SUN2: variants seen among roughly 807,000 people sequenced by gnomAD.
SUN2 encodes SUN domain-containing protein 2.
In SUN2, 60 loss-of-function variants were observed where a neutral mutation model predicts 100.0. The observed-to-expected ratio is 0.60, with a 90% CI of 0.49 to 0.74. The LOEUF (loss-of-function observed/expected upper bound fraction) is 0.74, where lower values mean the gene tolerates loss of function less well. Ranked by LOEUF, SUN2 falls within the 30% of genes least tolerant of loss-of-function variation. The pLI, the probability that SUN2 is intolerant of heterozygous loss-of-function variation, is 0.00. For synonymous variants in SUN2, 367 were observed against 403.3 expected (o/e 0.91, Z 1.08); for missense variants, 834 against 954.6 (o/e 0.87, Z 1.66).
rs201387591 is a variant in SUN2, at chr22:38,750,217, C to T, written c.520+8G>A. 1.8e-4 allele frequency: 296 copies of T among 1,608,622 alleles called. No individual in the cohort carries two copies. The highest frequency in any genetic ancestry group is 6.6e-4 in the Middle Eastern group (4 of 6,060). ...AATGGAAGTAACTGGGCACGGGTTGCAGCCCACCTGGCGAAGTGGCCACCA... is the reference window on the plus strand; with the variant it reads ...AATGGAAGTAACTGGGCACGGGTTGTAGCCCACCTGGCGAAGTGGCCACCA... On this transcript the variant is annotated splice_region_variant and intron_variant, in intron 5 of 17. Transcript: ENST00000689035.
In SUN2 at chr22:38,755,223, C is replaced by A; in HGVS notation, c.-38+540G>T. Reference sequence around the variant, plus strand: ...AGGCCACACGCCCTTGTGGGACCTGCCAAACGCCCGGTGCTAACTCCCTCT... The same window carrying A: ...AGGCCACACGCCCTTGTGGGACCTGACAAACGCCCGGTGCTAACTCCCTCT... On this transcript the variant is annotated intron_variant, in intron 1 of 17. Coordinates refer to ENST00000689035, the MANE Select transcript of SUN2 (RefSeq NM_015374.3). The surrounding 1 kb of genome is among the most constrained non-coding windows in gnomAD (Gnocchi z 5.7). 8.5e-7 allele frequency: 1 copy of A among 1,182,316 alleles called. No homozygotes were observed. Among genetic ancestry groups the A allele is most frequent in the South Asian group, 1.6e-5 (1 of 62,350 alleles). 73.2% of individuals were successfully genotyped at this position (1,182,316 alleles called of 1,614,324 possible).
chr22:38,741,124 C>T, intron 10 of SUN2, 74 bp from the exon 11 acceptor site: 2 of 1,505,168 alleles, frequency 1.3e-6, no homozygotes, highest in South Asian at 2.4e-5. Flanking sequence ...GATCTGCTGT[C>T]TGTTAGCGTC....
chr22:38,737,720 C>T lies in SUN2; in HGVS notation c.2040+453G>A. The T allele has an allele frequency of 2.8e-6, 1 of 362,306 alleles. No homozygotes were observed. Among genetic ancestry groups the T allele is most frequent in the South Asian group, 2.1e-5 (1 of 48,624 alleles). 22.4% of individuals were successfully genotyped at this position (362,306 alleles called of 1,614,324 possible). A position where few individuals can be genotyped will look rare whatever the true frequency, so the allele number is the denominator to read the frequency against. Reference sequence around the variant, plus strand: ...CTGGGTCCTGTCAGCCCTAAGGAACCAGACTCTCCTGGGGTGGAGACTGGG... The same window carrying T: ...CTGGGTCCTGTCAGCCCTAAGGAACTAGACTCTCCTGGGGTGGAGACTGGG... On this transcript the variant is annotated intron_variant, in intron 17 of 17. Transcript: ENST00000689035. The surrounding 1 kb of genome is among the most constrained non-coding windows in gnomAD (Gnocchi z 4.1).
In SUN2 at chr22:38,735,344, C is replaced by T. The variant is rs755628765; in HGVS notation, c.*923G>A. ...TGGGGGCCGGTGCAGACAGACCTCG[C>T]ACCCCGATACCCTGAACGTCCCCAC... On this transcript the variant is annotated 3_prime_UTR_variant, in exon 18 of 18. Transcript: ENST00000689035. 4.1e-5 allele frequency: 17 copies of T among 418,888 alleles called. No homozygotes were observed. The highest frequency in any genetic ancestry group is 3.3e-4 in the African/African-American group (16 of 48,138). The allele number at this position is 418,888 out of a possible 1,614,324, so 25.9% of individuals were successfully genotyped here. A position where few individuals can be genotyped will look rare whatever the true frequency, so the allele number is the denominator to read the frequency against.
rs567466607 is a variant in SUN2, at chr22:38,736,188, C to T, written c.*79G>A. The T allele has an allele frequency of 3.2e-5, 44 of 1,361,116 alleles. No homozygotes were observed. Among genetic ancestry groups the T allele is most frequent in the Non-Finnish European group, 3.7e-5 (35 of 955,782 alleles). The allele number at this position is 1,361,116 out of a possible 1,614,324, so 84.3% of individuals were successfully genotyped here. ...CTTGTGCTCCTAGAAGTCAGAGCGC[C>T]GAGCAAGCGTGTGGGGGAAGCGGCG... On this transcript the variant is annotated 3_prime_UTR_variant, in exon 18 of 18. Transcript: ENST00000689035.
chr22:38,741,584 AG>A lies in SUN2; in HGVS notation c.1069-14del, dbSNP rs778009264. ...CAGACAGTTCTTCCTGTGAGACGGG[AG>A]TGAGAGGACAGGTTGGACAGAGCCA... On this transcript the variant is annotated splice_polypyrimidine_tract_variant and intron_variant, in intron 9 of 17. Coordinates refer to ENST00000689035, the MANE Select transcript of SUN2 (RefSeq NM_015374.3). 1.1e-5 allele frequency: 18 copies of A among 1,613,418 alleles called. No individual in the cohort carries two copies. Among genetic ancestry groups the A allele is most frequent in the Non-Finnish European group, 1.5e-5 (18 of 1,179,684 alleles).
chr22:38,737,922 A>G lies in SUN2; in HGVS notation c.2040+251T>C, dbSNP rs1477060279. ...CCTGGCCACCCAACCCCTCTTGTGT[A>G]AAGCCCACCTCCTGGTGTCCTTTTC... On this transcript the variant is annotated intron_variant, in intron 17 of 17. Coordinates refer to ENST00000689035, the MANE Select transcript of SUN2 (RefSeq NM_015374.3). The surrounding 1 kb of genome is among the most constrained non-coding windows in gnomAD (Gnocchi z 4.1). 1.5e-6 allele frequency: 1 copy of G among 670,450 alleles called. No homozygotes were observed. Among genetic ancestry groups the G allele is most frequent in the Admixed American group, 2.1e-5 (1 of 48,480 alleles). 41.5% of individuals were successfully genotyped at this position (670,450 alleles called of 1,614,324 possible). A position where few individuals can be genotyped will look rare whatever the true frequency, so the allele number is the denominator to read the frequency against.
rs1186546580 is a variant in SUN2 at position 38,735,347 on chromosome 22, C to T, written c.*920G>A. 1 of 413,838 alleles carries T rather than the reference C, an allele frequency of 2.4e-6. No individual in the cohort carries two copies. The highest frequency in any genetic ancestry group is 2.9e-5 in the Admixed American group (1 of 34,040). The allele number at this position is 413,838 out of a possible 1,614,324, so 25.6% of individuals were successfully genotyped here. On this transcript the variant is annotated 3_prime_UTR_variant, in exon 18 of 18. Transcript: ENST00000689035. Reference sequence around the variant, plus strand: ...GGGCCGGTGCAGACAGACCTCGCACCCCGATACCCTGAACGTCCCCACAAG... The same window carrying T: ...GGGCCGGTGCAGACAGACCTCGCACTCCGATACCCTGAACGTCCCCACAAG...
chr22:38,747,032 A>G (rs2092909265), intron 7 of SUN2, among the ~76,000 whole-genome samples: 1 of 148,320 alleles, frequency 6.7e-6, no homozygotes, highest in Non-Finnish European at 1.5e-5. Flanking sequence ...CATCACACAC[A>G]CACAAAAAAG....
intron 8 of SUN2, 34 bp downstream of exon 8, chr22:38,745,650 A>G: frequency 6.2e-7 from 1 of 1,610,014 alleles, no homozygotes; most frequent in Non-Finnish European, 8.5e-7. Flanking sequence ...AATTATTGCT[A>G]AGCTCTTGGG....
At chr22:38,750,813 C>T (rs1407279835) in intron 4 of SUN2, 85 bp downstream of exon 4, 3 of 1,575,010 alleles carry the variant, frequency 1.9e-6, no homozygotes, top group African/African-American at 2.7e-5. Context: ...TGCCCTCTCT[C>T]CAGCTCCCCG....
At chr22:38,751,515 CCT>C (rs1451726913) in intron 2 of SUN2, 142 bp from the exon 3 acceptor site, 8 of 781,768 alleles carry the variant, frequency 1.0e-5, no homozygotes, top group South Asian at 6.8e-5. Context: ...CTGCCATTCC[CCT>C]GACTCTCCCA....
chr22:38,753,183 C>G (rs1245515697), intron 1 of SUN2, among the ~76,000 whole-genome samples: 1 of 149,354 alleles, frequency 6.7e-6, no homozygotes, highest in East Asian at 2.0e-4. Context: ...GATGGAAAAC[C>G]TTTCCCATGT....
intron 6 of SUN2, 95 bp downstream of exon 6, chr22:38,749,671 C>A: frequency 8.4e-7 from 1 of 1,186,988 alleles, no homozygotes. Context: ...CTGGGGAAAA[C>A]CCTCAGAGAA....
At position 38,745,574 on chromosome 22, in the gene SUN2, C is replaced by T. The variant is rs953182819; in HGVS notation, c.813+110G>A. ...CCTTGTAAGATGGCAACTAACAGTA[C>T]GCCTCAGCTTTGTGTGTACGGTGTG... is the stretch of plus-strand genomic sequence containing the variant. On this transcript the variant is annotated intron_variant, in intron 8 of 17. Transcript: ENST00000689035. The T allele has an allele frequency of 1.7e-5, 23 of 1,390,826 alleles. No homozygotes were observed. The Admixed American group carries it at 1.8e-4, about 11-fold the overall frequency. The allele number at this position is 1,390,826 out of a possible 1,614,324, so 86.2% of individuals were successfully genotyped here.
chr22:38,745,692 G>A lies in SUN2; in HGVS notation c.805C>T (p.His269Tyr). 6.2e-7 allele frequency: 1 copy of A among 1,613,656 alleles called. No homozygotes were observed. The highest frequency in any genetic ancestry group is 8.5e-7 in the Non-Finnish European group (1 of 1,180,018). The change falls in exon 8 of 18, where the codon CAT becomes TAT. Residue 269 changes from histidine to tyrosine, a missense_variant. Transcript: ENST00000689035. The stretch of plus-strand genomic sequence containing the variant: ...CACCCTCAGAGACTCACCTGGAAAT[G>A]TGGCGATGAGTCTCTGGCTTCCCAG... ...EGWEARDSSP[H>Y]FQAEQRVMSR... is the part of the protein sequence containing the mutation.
intron 6 of SUN2, 72 bp downstream of exon 6, chr22:38,749,694 G>A: frequency 1.4e-6 from 2 of 1,399,830 alleles, no homozygotes; most frequent in Admixed American, 1.8e-5. Context: ...GACCATTACA[G>A]GTTGACACAC....
intron 7 of SUN2, 84 bp from the exon 8 acceptor site, chr22:38,745,895 C>T (rs1467355925): frequency 6.5e-7 from 1 of 1,544,546 alleles, no homozygotes; most frequent in Non-Finnish European, 8.7e-7. Flanking sequence ...TGATCCCTGC[C>T]AGTGCTTGTG....
rs1569307101 is a variant in SUN2, at chr22:38,752,653, C to T, written c.-25G>A. The T allele has an allele frequency of 2.5e-6, 4 of 1,611,868 alleles. No homozygotes were observed. Among genetic ancestry groups the T allele is most frequent in the South Asian group, 2.2e-5 (2 of 90,906 alleles). On this transcript the variant is annotated 5_prime_UTR_variant, in exon 2 of 18. Coordinates refer to ENST00000689035, the MANE Select transcript of SUN2 (RefSeq NM_015374.3). ...TGATGAGGTGGGATGTGGACTCTTCCCCTGAAGAGAATCTAAGGAGAGAGA... is the reference window on the plus strand; with the variant it reads ...TGATGAGGTGGGATGTGGACTCTTCTCCTGAAGAGAATCTAAGGAGAGAGA...
Sources: allele counts gnomAD v4.1 joint callset (sites outside exome capture counted in the v4.1 genomes callset), GRCh38; gene constraint gnomAD v4.1.1; non-coding constraint Gnocchi (gnomAD v3.1); transcripts MANE v1.5; gene names NCBI Gene and HGNC (gene_info 2026-07-23, HGNC 2026-07-21).